Variants in AGMO observed in about 807,000 individuals in gnomAD.
AGMO encodes the protein alkylglycerol monooxygenase.
Under a neutral mutation model 60.2 loss-of-function variants are expected in AGMO, and 75 were observed. The ratio of observed to expected loss-of-function variants is 1.25; its 90% CI spans 1.03 to 1.51. AGMO has a LOEUF of 1.51. Ranked by LOEUF, AGMO falls within the 40% of genes most tolerant of loss-of-function variation. The pLI, the probability that AGMO is intolerant of heterozygous loss-of-function variation, is 0.00. For synonymous variants in AGMO, 261 were observed against 177.1 expected (o/e 1.47, Z -3.76); for missense variants, 763 against 525.5 (o/e 1.45, Z -4.42).
the AGMO span, among the ~76,000 whole-genome samples, chr7:15,132,788 A>T: frequency 6.6e-6 from 1 of 152,300 alleles, no homozygotes; most frequent in African/African-American, 2.4e-5. Flanking sequence ...GACAAAGACA[A>T]TGTGAAGTCA....
At chr7:15,314,193 G>C (rs760995467) in intron 12 of AGMO, among the ~76,000 whole-genome samples, 4 of 151,988 alleles carry the variant, frequency 2.6e-5, no homozygotes, top group Admixed American at 6.6e-5. Flanking sequence ...GAGCAGGAGG[G>C]TGTGAGATTT....
the AGMO span, among the ~76,000 whole-genome samples, chr7:15,155,084 G>T: frequency 1.3e-5 from 2 of 152,046 alleles, no homozygotes; most frequent in Non-Finnish European, 2.9e-5. Context: ...CTTGGGGATG[G>T]TTATATTGTA....
At chr7:15,490,888 T>C (rs772875842) in intron 3 of AGMO, among the ~76,000 whole-genome samples, 1 of 152,214 alleles carries the variant, frequency 6.6e-6, no homozygotes, top group Non-Finnish European at 1.5e-5. Context: ...TGTTATACAA[T>C]GCTTGAAAGC....
At chr7:15,324,288 G>A (rs569349469) in intron 12 of AGMO, among the ~76,000 whole-genome samples, 2 of 152,234 alleles carry the variant, frequency 1.3e-5, no homozygotes, top group East Asian at 3.9e-4. Context: ...ACTTTTAGAC[G>A]TTGGTATCAG....
chr7:15,132,674 T>C, the AGMO span, among the ~76,000 whole-genome samples: 1 of 152,146 alleles, frequency 6.6e-6, no homozygotes, highest in African/African-American at 2.4e-5. Context: ...GGGAAAGTGA[T>C]CGTGGCTGAA....
At chr7:15,385,090 G>C (rs572753483) in intron 10 of AGMO, among the ~76,000 whole-genome samples, 1 of 152,298 alleles carries the variant, frequency 6.6e-6, no homozygotes, top group Non-Finnish European at 1.5e-5. Flanking sequence ...GTGAAGGTAA[G>C]TATGTTGAAA....
chr7:15,392,371 C>G (rs1281803984), intron 6 of AGMO, among the ~76,000 whole-genome samples: 3 of 152,050 alleles, frequency 2.0e-5, no homozygotes, highest in Non-Finnish European at 4.4e-5. Flanking sequence ...ATGCCCGGCC[C>G]TATTTCCTTG....
chr7:15,292,074 AT>A (rs35579860), intron 12 of AGMO, among the ~76,000 whole-genome samples: 117,261 of 152,088 alleles, frequency 0.77, 45,423 homozygotes, highest in African/African-American at 0.84. Context: ...GGAGTCAAAG[AT>A]TTTTTTACAA....
At chr7:15,202,096 G>A (rs529818852) in intron 12 of AGMO, among the ~76,000 whole-genome samples, 2 of 152,090 alleles carry the variant, frequency 1.3e-5, no homozygotes, top group East Asian at 3.9e-4. Flanking sequence ...TGGGTAACTG[G>A]AATGATGATG....
chr7:15,339,266 G>T (rs1215547183), intron 12 of AGMO, among the ~76,000 whole-genome samples: 1 of 152,142 alleles, frequency 6.6e-6, no homozygotes, highest in Non-Finnish European at 1.5e-5. Context: ...ACCACACAAA[G>T]CCCTGACATG....
At chr7:15,354,220 C>CA (rs1161350084) in intron 12 of AGMO, among the ~76,000 whole-genome samples, 1 of 149,442 alleles carries the variant, frequency 6.7e-6, no homozygotes, top group African/African-American at 2.5e-5. Flanking sequence ...CTCAGTCCAT[C>CA]AGTTATTTTC....
chr7:15,531,184 T>TATATATATTCA, intron 3 of AGMO, among the ~76,000 whole-genome samples: 1 of 94,742 alleles, frequency 1.1e-5, no homozygotes, highest in East Asian at 2.9e-4. Context: ...CTATATATTC[T>TATATATATTCA]ATATATATTC....
chr7:15,410,643 A>G (rs1780563874), intron 5 of AGMO, among the ~76,000 whole-genome samples: 1 of 151,934 alleles, frequency 6.6e-6, no homozygotes, highest in South Asian at 2.1e-4. Context: ...AGGTATCTAT[A>G]TTTCAAAAAA....
intron 12 of AGMO, among the ~76,000 whole-genome samples, chr7:15,287,457 A>G (rs111331172): frequency 6.6e-5 from 10 of 152,192 alleles, no homozygotes; most frequent in African/African-American, 2.2e-4. Context: ...ATTTACTCTG[A>G]ACTTCTCTAT....
At chr7:15,314,997 A>G (rs1780874793) in intron 12 of AGMO, among the ~76,000 whole-genome samples, 1 of 152,132 alleles carries the variant, frequency 6.6e-6, no homozygotes, top group Non-Finnish European at 1.5e-5. Flanking sequence ...TTTTAGAGAT[A>G]ATACTAACCG....
the AGMO span, among the ~76,000 whole-genome samples, chr7:15,143,186 G>C: frequency 6.6e-6 from 1 of 152,274 alleles, no homozygotes; most frequent in African/African-American, 2.4e-5. Context: ...AGGATTTGGA[G>C]TGCTTCTGCT....
chr7:15,220,915 AATG>A (rs1438285891), intron 12 of AGMO, among the ~76,000 whole-genome samples: 12 of 152,176 alleles, frequency 7.9e-5, no homozygotes, highest in African/African-American at 2.4e-4. Context: ...GTAGGCTGAA[AATG>A]ATGATGCTAT....
chr7:15,427,976 A>G (rs965767830), intron 4 of AGMO, among the ~76,000 whole-genome samples: 22 of 42,442 alleles, frequency 5.2e-4, no homozygotes, highest in Non-Finnish European at 8.9e-4. Flanking sequence ...GTAATATAGA[A>G]GAAATATACT....
intron 3 of AGMO, among the ~76,000 whole-genome samples, chr7:15,433,163 C>A (rs1781303028): frequency 6.6e-6 from 1 of 151,994 alleles, no homozygotes; most frequent in African/African-American, 2.4e-5. Context: ...AATGAGTTAA[C>A]AAGAGGATGA....
Sources: gnomAD v4.1 joint callset for allele counts (sites outside exome capture counted in the v4.1 genomes callset) on GRCh38, gnomAD v4.1.1 for gene constraint, MANE v1.5 for transcripts, NCBI Gene and HGNC (gene_info 2026-07-23, HGNC 2026-07-21) for gene names.